Variants in PKD1L1 observed in about 807,000 individuals in gnomAD.
PKD1L1 encodes polycystin-1-like protein 1.
A neutral mutation model predicts 323.4 loss-of-function variants in PKD1L1; 236 were observed. That is an observed-to-expected ratio of 0.73 (90% CI 0.66 to 0.81). The LOEUF is 0.81. Ranked by LOEUF, PKD1L1 falls within the 40% of genes least tolerant of loss-of-function variation. PKD1L1 has a pLI of 0.00. For synonymous variants in PKD1L1, 1,344 were observed against 1,335.0 expected, an observed-to-expected ratio of 1.01 and a Z score of -0.15; for missense variants, 3,320 against 3,508.0, an observed-to-expected ratio of 0.95 and a Z score of 1.35.
intron 7 of PKD1L1, among the ~76,000 whole-genome samples, chr7:47,918,256 G>T (rs1365960567): frequency 1.3e-5 from 2 of 152,004 alleles, no homozygotes; most frequent in African/African-American, 4.8e-5. Context: ...ATTATATAAT[G>T]ATAAAAGAAG....
chr7:47,820,899 G>A (rs1193723151), intron 46 of PKD1L1, among the ~76,000 whole-genome samples, 177 bp downstream of exon 46: 6 of 152,110 alleles, frequency 3.9e-5, no homozygotes, highest in Non-Finnish European at 7.3e-5. Flanking sequence ...TACCCCAAAC[G>A]AGATGCTAAG....
Position 47,890,775 on chromosome 7 carries a change from GTCA to G in PKD1L1, c.2454-15_2454-13del. On this transcript the variant is annotated splice_polypyrimidine_tract_variant and intron_variant, in intron 15 of 56. Transcript: ENST00000289672. Reference sequence around the variant, plus strand: ...ATTCCCAGTGATACCTGTTGGAGAAGTCATCGGAGTGGCTGAGGGGAGCATCAG... The same window carrying G: ...ATTCCCAGTGATACCTGTTGGAGAAGTCGGAGTGGCTGAGGGGAGCATCAG... 6.2e-7 allele frequency: 1 copy of G among 1,610,952 alleles called. No homozygotes were observed. Among genetic ancestry groups the G allele is most frequent in the Non-Finnish European group, 8.5e-7 (1 of 1,179,226 alleles).
At chr7:47,873,839 C>A (rs1321153467) in intron 24 of PKD1L1, 60 bp downstream of exon 24, 3 of 1,327,254 alleles carry the variant, frequency 2.3e-6, no homozygotes, top group Admixed American at 3.9e-5. Flanking sequence ...TGGGGGAGAG[C>A]CAACTCTGGA....
intron 45 of PKD1L1, 59 bp downstream of exon 45, chr7:47,827,291 C>G (rs1315406873): frequency 2.8e-6 from 4 of 1,415,644 alleles, no homozygotes; most frequent in African/African-American, 2.9e-5. Context: ...CAGTGGGGTA[C>G]TCCCTCCGAG....
At chr7:47,819,490 CTT>C (rs747594095) in intron 46 of PKD1L1, 8 of 1,276,442 alleles carry the variant, frequency 6.3e-6, no homozygotes, top group Non-Finnish European at 7.1e-6. Context: ...CAAATTATCA[CTT>C]TGTTTTGCAC....
chr7:47,942,098 C>T (rs943137034), intron 2 of PKD1L1, among the ~76,000 whole-genome samples: 1 of 152,182 alleles, frequency 6.6e-6, no homozygotes, highest in South Asian at 2.1e-4. Flanking sequence ...CTGCATCCAG[C>T]CAGGCCCCTC....
intron 26 of PKD1L1, among the ~76,000 whole-genome samples, chr7:47,861,888 A>C (rs1167361335): frequency 6.8e-6 from 1 of 147,906 alleles, no homozygotes; most frequent in Admixed American, 6.8e-5. Context: ...CTCAAAAAAA[A>C]AAAAAAAAAA....
At chr7:47,858,272 T>C (rs544337992) in intron 27 of PKD1L1, among the ~76,000 whole-genome samples, 1 of 152,280 alleles carries the variant, frequency 6.6e-6, no homozygotes, top group East Asian at 1.9e-4. Flanking sequence ...GAAATAAACT[T>C]TGGCCTTTTT....
chr7:47,836,894 G>T, intron 37 of PKD1L1, 27 bp downstream of exon 37: 1 of 1,606,682 alleles, frequency 6.2e-7, no homozygotes, highest in East Asian at 2.2e-5. Context: ...TCTGGAAGCT[G>T]CTATAAGGAA....
At chr7:47,888,412 T>C (rs74945614) in intron 16 of PKD1L1, among the ~76,000 whole-genome samples, 7,995 of 152,272 alleles carry the variant, frequency 0.053, 536 homozygotes, top group African/African-American at 0.16. Context: ...AGAGGCTGTG[T>C]AGCTTTTCCG....
rs79148625 is a variant in PKD1L1, at chr7:47,834,426, G to A, written c.6128-41C>T. On this transcript the variant is annotated intron_variant, in intron 39 of 56. Transcript: ENST00000289672. ...AAAAATCCAATGTACGATGCTTTGG[G>A]GTGATACATTTAAACAGGGATATGT... The A allele has an allele frequency of 2.5e-3, 3,802 of 1,536,368 alleles. 60 individuals carry two copies. In the African/African-American group the frequency reaches 0.039, roughly 16 times the overall value.
chr7:47,789,781 C>T (rs1160923589), intron 56 of PKD1L1, among the ~76,000 whole-genome samples: 1 of 152,128 alleles, frequency 6.6e-6, no homozygotes, highest in Non-Finnish European at 1.5e-5. Flanking sequence ...TAAATACATA[C>T]AATTATCTTT....
chr7:47,865,424 C>T, intron 25 of PKD1L1, 152 bp from the exon 26 acceptor site: 1 of 651,386 alleles, frequency 1.5e-6, no homozygotes, highest in Non-Finnish European at 2.7e-6. Context: ...ACCTTCTGTA[C>T]AGAGACCATT....
In PKD1L1 at chr7:47,839,551, T is replaced by G. The variant is rs1562954368; in HGVS notation, c.5664A>C (p.Gly1888=). The G allele has an allele frequency of 3.1e-6, 5 of 1,609,360 alleles. No individual in the cohort carries two copies. The highest frequency in any genetic ancestry group is 3.4e-6 in the Non-Finnish European group (4 of 1,178,346). The change falls in exon 36 of 57, where the codon GGA becomes GGC. Residue 1888 remains glycine (G), a synonymous_variant. Transcript: ENST00000289672. This position sits in a 1 kb window ranked among gnomAD's most constrained non-coding sequence, Gnocchi z 4.3. ...SHVMVKELHT[G]QGWFFPAQCW... is the part of the protein sequence containing the mutation. ...ACTGGGCAGGGAAGAACCAGCCCTG[T>G]CCCGTGTGCAGCTCCTTCACCATCA...
Position 47,813,988 on chromosome 7 carries a change from G to C in PKD1L1, c.7116C>G (p.Tyr2372Ter). 6.2e-7 allele frequency: 1 copy of C among 1,614,048 alleles called. No homozygotes were observed. Residue 2372 changes from tyrosine to a stop codon, truncating the protein, a stop_gained, in exon 48 of 57, where the codon TAC becomes TAG. Transcript: ENST00000289672. LOFTEE classifies it high-confidence loss of function. Reference protein sequence around the residue: ...AQPGALGGKCYLIGSSVIRQL... With the variant: ...AQPGALGGKC ...GCCTAATTACGGAACTGCCTATTAG[G>C]TAGCATTTTCCTCCAAGAGCTCCAG...
chr7:47,799,199 G>A (rs1189239370), intron 54 of PKD1L1, among the ~76,000 whole-genome samples: 1 of 152,146 alleles, frequency 6.6e-6, no homozygotes, highest in Non-Finnish European at 1.5e-5. Context: ...TGGATGGGTG[G>A]GTGGATAGGT....
At chr7:47,896,541 T>C (rs112933915) in intron 14 of PKD1L1, among the ~76,000 whole-genome samples, 11 of 145,526 alleles carry the variant, frequency 7.6e-5, no homozygotes, top group African/African-American at 1.1e-4. Context: ...GTTTAGTTGT[T>C]TGGGGGGGAC....
At chr7:47,932,306 C>T (rs78627907) in intron 4 of PKD1L1, among the ~76,000 whole-genome samples, 3 of 152,146 alleles carry the variant, frequency 2.0e-5, no homozygotes, top group African/African-American at 7.2e-5. Context: ...GCTTATTAAA[C>T]GATTGACTAA....
intron 3 of PKD1L1, among the ~76,000 whole-genome samples, chr7:47,939,299 C>T (rs1037207891): frequency 3.3e-5 from 5 of 152,110 alleles, no homozygotes; most frequent in South Asian, 4.1e-4. Flanking sequence ...GGTTTAATAA[C>T]GCTGCTCTGC....
Sources: allele counts gnomAD v4.1 joint callset (sites outside exome capture counted in the v4.1 genomes callset), GRCh38; gene constraint gnomAD v4.1.1; non-coding constraint Gnocchi (gnomAD v3.1); transcripts MANE v1.5; gene names NCBI Gene and HGNC (gene_info 2026-07-23, HGNC 2026-07-21).